Variants in PRKCE observed in about 807,000 individuals in gnomAD.
PRKCE encodes the protein protein kinase C epsilon.
PRKCE carries 16 observed loss-of-function variants against 85.4 expected under a neutral mutation model. The observed-to-expected ratio is 0.19, with a 90% confidence interval of 0.13 to 0.28. PRKCE has a LOEUF of 0.28. Ranked by LOEUF, PRKCE falls within the 10% of genes least tolerant of loss-of-function variation. The pLI is 1.00. For synonymous variants in PRKCE, 388 were observed against 371.5 expected, an observed-to-expected ratio of 1.04 and a Z score of -0.51; for missense variants, 573 against 975.2, an observed-to-expected ratio of 0.59 and a Z score of 5.49.
chr2:45,965,838 A>G lies in PRKCE; in HGVS notation c.413-10591A>G, dbSNP rs191770480. 5.3e-4 allele frequency among the ~76,000 whole-genome samples: 80 copies of G among 150,962 alleles called. 1 individual carries two copies. Among genetic ancestry groups the G allele is most frequent in the Non-Finnish European group, 7.4e-5 (5 of 67,618 alleles). On this transcript the variant is annotated intron_variant, in intron 2 of 14. Transcript: ENST00000306156. ...AATACACACTATCGACATGTTTCTT[A>G]GTTTTCTTTTTCTGCTTAGTTTCTT...
At chr2:46,171,206 G>T (rs1385393440) in intron 14 of PRKCE, among the ~76,000 whole-genome samples, 2 of 152,204 alleles carry the variant, frequency 1.3e-5, no homozygotes, top group Non-Finnish European at 2.9e-5. Flanking sequence ...AGCCAGGGCA[G>T]GCAGGGTACT....
In PRKCE at chr2:46,092,072, G is replaced by A. The variant is rs145070229; in HGVS notation, c.1592+5710G>A. ...CTAGAGAACTTTCTGAGAAATCTTCGTGAGCAACTTACAAAACCTCTTTGT... is the reference window on the plus strand; with the variant it reads ...CTAGAGAACTTTCTGAGAAATCTTCATGAGCAACTTACAAAACCTCTTTGT... On this transcript the variant is annotated intron_variant, in intron 11 of 14. Coordinates refer to ENST00000306156, the MANE Select transcript of PRKCE (RefSeq NM_005400.3). Among the ~76,000 whole-genome samples the A allele has an allele frequency of 3.6e-3, 546 of 152,282 alleles. 5 individuals are homozygous for A. Among genetic ancestry groups the A allele is most frequent in the Middle Eastern group, 0.017 (5 of 294 alleles).
intron 5 of PRKCE, among the ~76,000 whole-genome samples, chr2:45,980,683 G>T (rs1331080561): frequency 6.6e-6 from 1 of 152,122 alleles, no homozygotes; most frequent in Non-Finnish European, 1.5e-5. Context: ...GAACTAAAAT[G>T]GCTAACCAAT....
chr2:45,863,317 A>C (rs1693320362), intron 2 of PRKCE, among the ~76,000 whole-genome samples: 1 of 152,120 alleles, frequency 6.6e-6, no homozygotes, highest in Admixed American at 6.5e-5. Context: ...ACATAAAGGT[A>C]GGAAAACTCT....
chr2:45,968,337 A>G (rs538258458), intron 2 of PRKCE, among the ~76,000 whole-genome samples: 1 of 152,360 alleles, frequency 6.6e-6, no homozygotes, highest in African/African-American at 2.4e-5. Context: ...ATGGACTTGG[A>G]GGACATTATT....
chr2:45,831,619 A>G (rs994127157), intron 1 of PRKCE, among the ~76,000 whole-genome samples: 4 of 152,252 alleles, frequency 2.6e-5, no homozygotes, highest in Non-Finnish European at 5.9e-5. Context: ...GGGAAGTGGT[A>G]AGTAAACTGA....
intron 2 of PRKCE, among the ~76,000 whole-genome samples, chr2:45,937,475 G>T (rs993812440): frequency 6.6e-6 from 1 of 152,236 alleles, no homozygotes; most frequent in African/African-American, 2.4e-5. Context: ...CACTTTGGGA[G>T]GCTCAGGCGC....
intron 1 of PRKCE, among the ~76,000 whole-genome samples, chr2:45,726,354 T>C (rs1226291875): frequency 6.6e-6 from 1 of 152,188 alleles, no homozygotes; most frequent in Non-Finnish European, 1.5e-5. Flanking sequence ...GAAATTGGCA[T>C]AGCAATTTCT....
chr2:46,114,016 T>C (rs1179349613), intron 11 of PRKCE, among the ~76,000 whole-genome samples: 1 of 152,152 alleles, frequency 6.6e-6, no homozygotes, highest in Non-Finnish European at 1.5e-5. Flanking sequence ...GACTCTGCAG[T>C]TTGGGTTTAA....
chr2:45,821,975 G>C (rs1056532130), intron 1 of PRKCE, among the ~76,000 whole-genome samples: 1 of 152,174 alleles, frequency 6.6e-6, no homozygotes, highest in African/African-American at 2.4e-5. Context: ...TGAAGGGCTT[G>C]AGGGGGCTTA....
intron 2 of PRKCE, among the ~76,000 whole-genome samples, chr2:45,902,791 C>G (rs1696673013): frequency 6.6e-6 from 1 of 152,146 alleles, no homozygotes; most frequent in Non-Finnish European, 1.5e-5. Context: ...TTTCTGATAT[C>G]CAAAGTGTTC....
At chr2:46,163,880 C>T (rs969038281) in intron 14 of PRKCE, among the ~76,000 whole-genome samples, 6 of 138,240 alleles carry the variant, frequency 4.3e-5, no homozygotes, top group Admixed American at 2.9e-4. Flanking sequence ...ACAGAGGCCA[C>T]GGGAAAGGTG....
At chr2:45,653,666 G>C (rs1191814783) in intron 1 of PRKCE, among the ~76,000 whole-genome samples, 1 of 151,954 alleles carries the variant, frequency 6.6e-6, no homozygotes, top group South Asian at 2.1e-4. Flanking sequence ...TTTTTTTCAA[G>C]GACACGGAGT....
chr2:45,821,440 G>C (rs1013985988), intron 1 of PRKCE, among the ~76,000 whole-genome samples: 1 of 152,246 alleles, frequency 6.6e-6, no homozygotes, highest in Non-Finnish European at 1.5e-5. Flanking sequence ...ACCTCTGAAG[G>C]GCTACCTGTG....
rs1572974083 is a variant in PRKCE at position 45,697,373 on chromosome 2, G to A, written c.348+44925G>A. ...GTTGCCCTCTCTGCCTCTTAATGGC[G>A]CTCTGACCTTCTATTGTTTTTGGCC... is the stretch of plus-strand genomic sequence containing the variant. On this transcript the variant is annotated intron_variant, in intron 1 of 14. Coordinates refer to ENST00000306156, the MANE Select transcript of PRKCE (RefSeq NM_005400.3). This position sits in a 1 kb window ranked among gnomAD's most constrained non-coding sequence, Gnocchi z 4.2. Among the ~76,000 whole-genome samples, 2 of 147,838 alleles carry A rather than the reference G, an allele frequency of 1.4e-5. No homozygotes were observed. The highest frequency in any genetic ancestry group is 3.9e-4 in the East Asian group (2 of 5,154).
At chr2:45,815,461 A>T (rs969668163) in intron 1 of PRKCE, among the ~76,000 whole-genome samples, 7 of 151,988 alleles carry the variant, frequency 4.6e-5, no homozygotes, top group African/African-American at 1.7e-4. Context: ...CCCTATTCTT[A>T]GTTTGCAATT....
chr2:45,889,170 A>C (rs1467721997), intron 2 of PRKCE, among the ~76,000 whole-genome samples: 1 of 152,226 alleles, frequency 6.6e-6, no homozygotes, highest in Admixed American at 6.5e-5. Flanking sequence ...CTCAGCGACT[A>C]AGAGTATACC....
At chr2:45,719,084 G>A (rs989926264) in intron 1 of PRKCE, among the ~76,000 whole-genome samples, 1 of 152,216 alleles carries the variant, frequency 6.6e-6, no homozygotes, top group Non-Finnish European at 1.5e-5. Context: ...GTGGAAAAAT[G>A]GTTTATTAGC....
chr2:45,840,724 AT>A (rs563228025), intron 1 of PRKCE, among the ~76,000 whole-genome samples: 237 of 152,266 alleles, frequency 1.6e-3, no homozygotes, highest in African/African-American at 5.6e-3. Flanking sequence ...TCTCTCAACC[AT>A]TAGAGGCTGA....
Sources: gnomAD v4.1 joint callset for allele counts (sites outside exome capture counted in the v4.1 genomes callset) on GRCh38, gnomAD v4.1.1 for gene constraint, Gnocchi (gnomAD v3.1) non-coding constraint, MANE v1.5 for transcripts, NCBI Gene and HGNC (gene_info 2026-07-23, HGNC 2026-07-21) for gene names.